Variants in AP1G2 observed in about 807,000 individuals in gnomAD.
AP1G2 encodes the protein AP-1 complex subunit gamma-like 2.
AP1G2 carries 85 observed loss-of-function variants against 95.8 expected under a neutral mutation model. That is an observed-to-expected ratio of 0.89 (90% confidence interval 0.74 to 1.06). The LOEUF (loss-of-function observed/expected upper bound fraction) is 1.06, where lower values mean the gene tolerates loss of function less well. AP1G2 is among the 50% of genes least tolerant of loss of function. The pLI, the probability that AP1G2 is intolerant of heterozygous loss-of-function variation, is 0.00. For synonymous variants in AP1G2, 378 were observed against 400.0 expected, an observed-to-expected ratio of 0.94 and a Z score of 0.66; for missense variants, 967 against 1,005.8, an observed-to-expected ratio of 0.96 and a Z score of 0.52.
At chr14:23,563,086 TAATA>T in intron 14 of AP1G2, 1 of 1,315,636 alleles carries the variant, frequency 7.6e-7, no homozygotes, top group Non-Finnish European at 9.7e-7. Context: ...TTCAAGGTAA[TAATA>T]AAACCTCATA....
intron 19 of AP1G2, chr14:23,561,024 A>T: frequency 9.4e-7 from 1 of 1,065,948 alleles, no homozygotes; most frequent in Non-Finnish European, 1.2e-6. Context: ...GGGTGTGAGG[A>T]GCTGAGAAGG....
intron 10 of AP1G2, 83 bp downstream of exon 10, chr14:23,564,250 A>G: frequency 6.2e-7 from 1 of 1,613,414 alleles, no homozygotes; most frequent in Non-Finnish European, 8.5e-7. Context: ...TAAGAGAGAA[A>G]TGGATCAGGA....
intron 14 of AP1G2, chr14:23,562,987 G>T: frequency 1.1e-6 from 1 of 900,106 alleles, no homozygotes; most frequent in Non-Finnish European, 1.5e-6. Context: ...CTTGTGGAAG[G>T]GGTGGATGAT....
At chr14:23,565,501 C>G in intron 7 of AP1G2, 105 bp downstream of exon 7, 3 of 1,042,518 alleles carry the variant, frequency 2.9e-6, no homozygotes, top group African/African-American at 3.1e-5. Flanking sequence ...CTCTGCTGCC[C>G]AGGACACTGA....
Position 23,567,292 on chromosome 14 carries a change from A to G in AP1G2, c.23T>C (p.Leu8Pro). Reference sequence around the variant, plus strand: ...GCGAATCTCTTCGATGAGGTCCTGAAGCTTCAGCGAAGGCACCACCATCCT... The same window carrying G: ...GCGAATCTCTTCGATGAGGTCCTGAGGCTTCAGCGAAGGCACCACCATCCT... MVVPSLK[L>P]QDLIEEIRGA... Residue 8 changes from leucine (L) to proline (P), a missense_variant, in exon 2 of 22, where the codon CTT becomes CCT. Coordinates refer to ENST00000397120, the MANE Select transcript of AP1G2 (RefSeq NM_003917.5). The surrounding 1 kb of genome is among the most constrained non-coding windows in gnomAD (Gnocchi z 5.3). 6.2e-7 allele frequency: 1 copy of G among 1,613,032 alleles called. No homozygotes were observed. The highest frequency in any genetic ancestry group is 2.2e-5 in the East Asian group (1 of 44,826).
Position 23,563,242 on chromosome 14 carries a change from C to G in AP1G2, c.1410+138G>C, listed in dbSNP as rs1170938868. 6 of 1,459,052 alleles carry G rather than the reference C, an allele frequency of 4.1e-6. No homozygotes were observed. The Admixed American group carries it at 1.6e-4, about 38-fold the overall frequency. 90.4% of individuals were successfully genotyped at this position (1,459,052 alleles called of 1,614,324 possible). On this transcript the variant is annotated intron_variant, in intron 14 of 21. Coordinates refer to ENST00000397120, the MANE Select transcript of AP1G2 (RefSeq NM_003917.5). ...CCCAGATGTTCTTAAAAACAGGGCT[C>G]TGTGCTCAGATGTCTTCTGCACTGT...
In AP1G2 at chr14:23,560,416, G is replaced by A; in HGVS notation, c.1996C>T (p.Pro666Ser). Reference protein sequence around the residue: ...DLPCVPPPPAPIPDLKVFERE... With the variant: ...DLPCVPPPPASIPDLKVFERE... ...TCAAACACTTTGAGATCTGGGATGGGAGCTGGAGTAGGGAGACAGAAGCAG... is the reference window on the plus strand; with the variant it reads ...TCAAACACTTTGAGATCTGGGATGGAAGCTGGAGTAGGGAGACAGAAGCAG... The change falls in exon 20 of 22, where the codon CCC becomes TCC. Residue 666 changes from proline (P) to serine (S), a missense_variant and splice_region_variant. Coordinates refer to ENST00000397120, the MANE Select transcript of AP1G2 (RefSeq NM_003917.5). The A allele has an allele frequency of 6.2e-7, 1 of 1,612,622 alleles. No individual in the cohort carries two copies. Among genetic ancestry groups the A allele is most frequent in the Non-Finnish European group, 8.5e-7 (1 of 1,178,962 alleles).
intron 14 of AP1G2, 80 bp downstream of exon 14, chr14:23,563,300 A>C: frequency 6.5e-7 from 1 of 1,534,958 alleles, no homozygotes; most frequent in Non-Finnish European, 8.8e-7. Flanking sequence ...GAAAAATTGG[A>C]ATCTAGTAGG....
intron 20 of AP1G2, 59 bp downstream of exon 20, chr14:23,560,196 C>T (rs1006905563): frequency 1.1e-5 from 17 of 1,588,688 alleles, no homozygotes; most frequent in Non-Finnish European, 1.4e-5. Flanking sequence ...ACCTCCTCCA[C>T]TTAGTGGCCT....
chr14:23,562,706 CA>C (rs1319945197), intron 14 of AP1G2, 113 bp from the exon 15 acceptor site: 7 of 1,003,662 alleles, frequency 7.0e-6, no homozygotes, highest in Non-Finnish European at 1.0e-5. Flanking sequence ...AGTTCAAGAC[CA>C]GCCTGGGCAA....
rs767513116 is a variant in AP1G2 at position 23,562,318 on chromosome 14, T to C, written c.1598A>G (p.Lys533Arg). The C allele has an allele frequency of 2.5e-6, 4 of 1,614,170 alleles. No individual in the cohort carries two copies. The East Asian group carries it at 8.9e-5, about 36-fold the overall frequency. ...GTCCCCACAGAGGCGAGTGCTGAGCTTCATGAGGGCTGTGAGGGCATATCC... is the reference window on the plus strand; with the variant it reads ...GTCCCCACAGAGGCGAGTGCTGAGCCTCATGAGGGCTGTGAGGGCATATCC... The part of the protein sequence containing the change: ...TRGYALTALM[K>R]LSTRLCGDNN... Residue 533 changes from lysine to arginine, a missense_variant, in exon 16 of 22, where the codon AAG (lysine) becomes AGG (arginine). Physicochemically the swap from Lys to Arg is conservative, Grantham distance 26 (BLOSUM62 2). Transcript: ENST00000397120.
rs776370895 is a variant in AP1G2, at chr14:23,561,624, A to T, written c.1745T>A (p.Leu582Gln). 1 of 1,613,928 alleles carries T rather than the reference A, an allele frequency of 6.2e-7. No homozygotes were observed. The highest frequency in any genetic ancestry group is 8.5e-7 in the Non-Finnish European group (1 of 1,179,982). ...TCGCTCCACAAGAGGCATTTTTTCC[A>T]GGATGGCAGCCCTGAGAGGATGGAA... The part of the protein sequence containing the change: ...RKYDHMRAAI[L>Q]EKMPLVERDG... The change falls in exon 18 of 22, where the codon CTG (leucine) becomes CAG (glutamine). Residue 582 changes from leucine to glutamine, a missense_variant. Physicochemically the swap from Leu to Gln is moderately radical, Grantham distance 113. Coordinates refer to ENST00000397120, the MANE Select transcript of AP1G2 (RefSeq NM_003917.5).
chr14:23,560,271 T>C lies in AP1G2; in HGVS notation c.2141A>G (p.Gln714Arg). 1.9e-6 allele frequency: 3 copies of C among 1,613,738 alleles called. No individual in the cohort carries two copies. The highest frequency in any genetic ancestry group is 2.5e-6 in the Non-Finnish European group (3 of 1,180,026). The change falls in exon 20 of 22, where the codon CAG becomes CGG. Residue 714 changes from glutamine to arginine, a missense_variant. Transcript: ENST00000397120. The stretch of plus-strand genomic sequence containing the variant: ...TTTACAAACCTTGGGCACAGCAGCC[T>C]GGCAGATGAAATGGGTGACATCACC... Reference protein sequence around the residue: ...SEGDVTHFICQAAVPKSLQLQ... With the variant: ...SEGDVTHFICRAAVPKSLQLQ...
intron 14 of AP1G2, 141 bp from the exon 15 acceptor site, chr14:23,562,734 C>A (rs1014575218): frequency 1.5e-5 from 11 of 742,220 alleles, no homozygotes; most frequent in Non-Finnish European, 2.4e-5. Context: ...GAGACCCCCC[C>A]CATCTCTATT....
rs777965244 is a variant in AP1G2, at chr14:23,567,707, A to G, written c.-6+32T>C. On this transcript the variant is annotated intron_variant, in intron 1 of 21. Coordinates refer to ENST00000397120, the MANE Select transcript of AP1G2 (RefSeq NM_003917.5). The surrounding 1 kb of genome is among the most constrained non-coding windows in gnomAD (Gnocchi z 5.3). ...ATCTCAGGCAGCGGCAGCGGCAGCG[A>G]CAGCCTGCCTACCCCAGGACTCCAG... 3.7e-4 allele frequency: 386 copies of G among 1,041,138 alleles called. No individual in the cohort carries two copies. Among genetic ancestry groups the G allele is most frequent in the Non-Finnish European group, 4.2e-4 (363 of 864,658 alleles). The allele number at this position is 1,041,138 out of a possible 1,614,324, so 64.5% of individuals were successfully genotyped here.
Position 23,567,473 on chromosome 14 carries a change from A to C in AP1G2, c.-5-154T>G. 1 of 1,394,158 alleles carries C rather than the reference A, an allele frequency of 7.2e-7. No homozygotes were observed. Among genetic ancestry groups the C allele is most frequent in the Non-Finnish European group, 9.2e-7 (1 of 1,081,906 alleles). The allele number at this position is 1,394,158 out of a possible 1,614,324, so 86.4% of individuals were successfully genotyped here. On this transcript the variant is annotated intron_variant, in intron 1 of 21. Coordinates refer to ENST00000397120, the MANE Select transcript of AP1G2 (RefSeq NM_003917.5). This position sits in a 1 kb window ranked among gnomAD's most constrained non-coding sequence, Gnocchi z 5.3. Reference sequence around the variant, plus strand: ...TACCTTTCCCGAAGTGGGTCTCCAAATTCCGCGCCCACCCCACCGCCCGAG... The same window carrying C: ...TACCTTTCCCGAAGTGGGTCTCCAACTTCCGCGCCCACCCCACCGCCCGAG...
At position 23,564,030 on chromosome 14, in the gene AP1G2, C is replaced by A; in HGVS notation, c.1091+16G>T. On this transcript the variant is annotated intron_variant, in intron 11 of 21. Coordinates refer to ENST00000397120, the MANE Select transcript of AP1G2 (RefSeq NM_003917.5). ...AACCTCTGCCCTGCCCTCCTGTCCC[C>A]TCTATCACTGCTCACCGGCTGAGGG... is the stretch of plus-strand genomic sequence containing the variant. The A allele has an allele frequency of 6.2e-7, 1 of 1,613,744 alleles. No individual in the cohort carries two copies. Among genetic ancestry groups the A allele is most frequent in the South Asian group, 1.1e-5 (1 of 90,988 alleles).
intron 5 of AP1G2, 45 bp from the exon 6 acceptor site, chr14:23,565,937 G>GA: frequency 6.2e-7 from 1 of 1,603,176 alleles, no homozygotes; most frequent in Non-Finnish European, 8.5e-7. Flanking sequence ...CCAGGGGCAA[G>GA]AGAGTCTATT....
At chr14:23,561,811 AG>A (rs1884854155) in intron 17 of AP1G2, 150 bp downstream of exon 17, 1 of 1,464,844 alleles carries the variant, frequency 6.8e-7, no homozygotes, top group Non-Finnish European at 9.0e-7. Flanking sequence ...GAGGGTTGGA[AG>A]CCAGCTTAGC....
Sources: allele counts gnomAD v4.1 joint callset, GRCh38; gene constraint gnomAD v4.1.1; non-coding constraint Gnocchi (gnomAD v3.1); transcripts MANE v1.5; gene names NCBI Gene and HGNC (gene_info 2026-07-23, HGNC 2026-07-21).